The following PAICS variants were observed in gnomAD, a reference collection of about 807,000 sequenced individuals.
PAICS encodes phosphoribosylaminoimidazole carboxylase and phosphoribosylaminoimidazolesuccinocarboxamide synthase.
A neutral mutation model predicts 53.7 loss-of-function variants in PAICS; 33 were observed. The observed-to-expected ratio is 0.61, with a 90% CI of 0.47 to 0.82. PAICS has a LOEUF of 0.82. PAICS is among the 40% of genes least tolerant of loss of function. The probability of loss-of-function intolerance (pLI) is 0.00; values close to 1 mark genes in which losing one functional copy is unlikely to be tolerated. For synonymous variants in PAICS, 141 were observed against 167.2 expected (o/e 0.84, Z 1.21); for missense variants, 394 against 494.1 (o/e 0.80, Z 1.92).
intron 3 of PAICS, among the ~76,000 whole-genome samples, chr4:56,447,152 A>T (rs3796549): frequency 0.13 from 19,960 of 151,494 alleles, 1,669 homozygotes; most frequent in East Asian, 0.27. Flanking sequence ...TAATTTTTTT[A>T]AAATTTAGTT....
chr4:56,434,778 A>G (rs1717805406), upstream of PAICS, among the ~76,000 whole-genome samples: 1 of 152,236 alleles, frequency 6.6e-6, no homozygotes, highest in Admixed American at 6.5e-5. Flanking sequence ...CATTCTCAAC[A>G]TCAACTAGTC....
chr4:56,432,569 A>G (rs1440566705), upstream of PAICS, among the ~76,000 whole-genome samples: 2 of 150,318 alleles, frequency 1.3e-5, no homozygotes, highest in Non-Finnish European at 3.0e-5. Context: ...GCAGATCACG[A>G]GGTCAGGAGA....
intron 8 of PAICS, among the ~76,000 whole-genome samples, chr4:56,457,761 T>C (rs890520090): frequency 2.0e-5 from 3 of 151,404 alleles, no homozygotes; most frequent in Non-Finnish European, 2.9e-5. Context: ...GCGATTCTCC[T>C]GCCTCAGCCT....
intron 1 of PAICS, among the ~76,000 whole-genome samples, chr4:56,438,371 T>TTTTATATATATA (rs869127756): frequency 1.8e-5 from 2 of 113,674 alleles, no homozygotes; most frequent in East Asian, 4.6e-4. Flanking sequence ...TGCAATGTGT[T>TTTTATATATATA]TATATATATA....
chr4:56,445,366 G>A (rs756644323), intron 2 of PAICS, among the ~76,000 whole-genome samples: 11 of 152,096 alleles, frequency 7.2e-5, no homozygotes, highest in Admixed American at 6.5e-5. Context: ...GGGAGACTAA[G>A]GTGGGCAGAT....
chr4:56,433,163 A>C (rs2110071586), upstream of PAICS, among the ~76,000 whole-genome samples: 1 of 152,098 alleles, frequency 6.6e-6, no homozygotes, highest in South Asian at 2.1e-4. Context: ...ACTTTAGCTC[A>C]TGTAAAATTT....
At chr4:56,411,030 G>A in the PAICS span, 11 of 664,044 alleles carry the variant, frequency 1.7e-5, no homozygotes, top group Admixed American at 6.4e-5. Context: ...TATCAAGACT[G>A]TGGAAAAATA....
At chr4:56,441,211 C>A (rs1435755012) in intron 1 of PAICS, among the ~76,000 whole-genome samples, 1 of 152,110 alleles carries the variant, frequency 6.6e-6, no homozygotes, top group African/African-American at 2.4e-5. Context: ...TTTTTTCCTG[C>A]AAGATAGTTT....
the PAICS span, among the ~76,000 whole-genome samples, chr4:56,417,360 T>C: frequency 6.6e-6 from 1 of 151,966 alleles, no homozygotes; most frequent in Non-Finnish European, 1.5e-5. Flanking sequence ...CTCAAACAAA[T>C]GCTATAAAGT....
chr4:56,433,397 TAAA>T (rs34598008), upstream of PAICS, among the ~76,000 whole-genome samples: 4 of 118,250 alleles, frequency 3.4e-5, no homozygotes, highest in Non-Finnish European at 5.2e-5. Context: ...TGGTATTCAT[TAAA>T]AAAAAAAAAA....
chr4:56,446,454 T>C, intron 2 of PAICS: 1 of 706,148 alleles, frequency 1.4e-6, no homozygotes, highest in Admixed American at 2.1e-5. Context: ...TTATATAGCA[T>C]GGATGTATCA....
At chr4:56,441,028 G>A (rs1227297594) in intron 1 of PAICS, among the ~76,000 whole-genome samples, 2 of 152,172 alleles carry the variant, frequency 1.3e-5, no homozygotes, top group Non-Finnish European at 2.9e-5. Context: ...TGAAGAGAAA[G>A]GATTAATGGG....
At position 56,460,978 on chromosome 4, in the gene PAICS, G is replaced by GA. The variant is rs541899967; in HGVS notation, c.*1450dup. On this transcript the variant is annotated 3_prime_UTR_variant, in exon 9 of 9. Coordinates refer to ENST00000512576, the MANE Select transcript of PAICS (RefSeq NM_001079524.2). ...AGAGCAAGACTCTGTCTCAAAAGGG[G>GA]AAAAAAAAAATTGCTGATGTGACCC... 1.1e-4 allele frequency: 17 copies of GA among 149,884 alleles called. No homozygotes were observed. Among genetic ancestry groups the GA allele is most frequent in the Admixed American group, 2.7e-4 (4 of 15,002 alleles). The allele number at this position is 149,884 out of a possible 1,614,324, so 9.3% of individuals were successfully genotyped here.
chr4:56,431,584 T>C, upstream of PAICS: 1 of 911,624 alleles, frequency 1.1e-6, no homozygotes, highest in Non-Finnish European at 1.3e-6. Flanking sequence ...ATGAAAATGT[T>C]TGTCATTGTA....
At chr4:56,436,657 G>T (rs1336344560) in intron 1 of PAICS, 3 of 600,748 alleles carry the variant, frequency 5.0e-6, no homozygotes, top group Non-Finnish European at 9.3e-6. Flanking sequence ...TGCCCGTTAG[G>T]TTAATGACCT....
At chr4:56,435,346 T>C (rs1341876400), upstream of PAICS, 2 of 1,611,462 alleles carry the variant, frequency 1.2e-6, no homozygotes, top group Non-Finnish European at 1.7e-6. Flanking sequence ...ACCCTGTTGC[T>C]CACCGGTGCT....
At chr4:56,450,734 A>T in intron 6 of PAICS, 32 bp downstream of exon 6, 1 of 1,024,204 alleles carries the variant, frequency 9.8e-7, no homozygotes, top group Non-Finnish European at 1.5e-6. Context: ...TGTATGTATT[A>T]TGTGTTTTTC....
At chr4:56,434,119 T>C (rs1008296999), upstream of PAICS, among the ~76,000 whole-genome samples, 4 of 152,230 alleles carry the variant, frequency 2.6e-5, no homozygotes, top group Non-Finnish European at 4.4e-5. Flanking sequence ...AAATCTATTA[T>C]GGTCAACCCA....
the PAICS span, chr4:56,416,498 T>G: frequency 5.1e-6 from 1 of 197,582 alleles, no homozygotes; most frequent in Non-Finnish European, 9.1e-6. Context: ...AAAGACTGGT[T>G]CCTAATCTGA....
Sources: gnomAD v4.1 joint callset for allele counts (sites outside exome capture counted in the v4.1 genomes callset) on GRCh38, gnomAD v4.1.1 for gene constraint, MANE v1.5 for transcripts, NCBI Gene and HGNC (gene_info 2026-07-23, HGNC 2026-07-21) for gene names.